TCF12: variants seen among roughly 807,000 people sequenced by gnomAD.
The protein encoded by TCF12 is DNA-binding protein HTF4.
TCF12 carries 45 observed loss-of-function variants against 86.0 expected under a neutral mutation model. The ratio of observed to expected loss-of-function variants is 0.52; its 90% confidence interval spans 0.41 to 0.67. The LOEUF (loss-of-function observed/expected upper bound fraction) is 0.67, where lower values mean the gene tolerates loss of function less well. Ranked by LOEUF, TCF12 falls within the 30% of genes least tolerant of loss-of-function variation. The pLI, the probability that TCF12 is intolerant of heterozygous loss-of-function variation, is 0.00. For missense variants in TCF12, 881 were observed against 859.9 expected (o/e 1.02, Z -0.31); for synonymous variants, 330 against 299.6 (o/e 1.10, Z -1.05).
chr15:57,047,715 T>C (rs1355662524), intron 3 of TCF12, among the ~76,000 whole-genome samples: 1 of 152,224 alleles, frequency 6.6e-6, no homozygotes, highest in African/African-American at 2.4e-5. Context: ...CTCTTGAATA[T>C]CAGTATAAAT....
intron 5 of TCF12, among the ~76,000 whole-genome samples, chr15:57,118,750 G>A (rs2051016737): frequency 6.6e-6 from 1 of 152,022 alleles, no homozygotes; most frequent in Admixed American, 6.5e-5. Flanking sequence ...TTCTTGTCTT[G>A]TTTAACCAGT....
At chr15:56,934,001 A>G (rs1369754769) in intron 3 of TCF12, among the ~76,000 whole-genome samples, 1 of 152,072 alleles carries the variant, frequency 6.6e-6, no homozygotes, top group Non-Finnish European at 1.5e-5. Flanking sequence ...AATCTCTTAT[A>G]AATTCATCAG....
At chr15:56,996,491 T>A (rs1382018465) in intron 3 of TCF12, among the ~76,000 whole-genome samples, 1 of 152,084 alleles carries the variant, frequency 6.6e-6, no homozygotes, top group African/African-American at 2.4e-5. Flanking sequence ...ATACAAAAAT[T>A]AACTGAAGAT....
At chr15:57,176,769 G>T (rs752593992) in intron 6 of TCF12, among the ~76,000 whole-genome samples, 1 of 152,150 alleles carries the variant, frequency 6.6e-6, no homozygotes, top group Non-Finnish European at 1.5e-5. Flanking sequence ...TGGAAAAAAG[G>T]TCAAGATATT....
chr15:56,921,119 A>G (rs1334068723), intron 3 of TCF12, 21 bp downstream of exon 3: 1 of 1,572,892 alleles, frequency 6.4e-7, no homozygotes, highest in Admixed American at 1.8e-5. Context: ...GTCTTAAACT[A>G]AAGACTCATA....
intron 3 of TCF12, among the ~76,000 whole-genome samples, chr15:56,929,022 T>G (rs150233920): frequency 1.5e-4 from 23 of 152,326 alleles, no homozygotes; most frequent in Middle Eastern, 3.4e-3. Flanking sequence ...AAAATTCATG[T>G]ACATTTTATT....
chr15:57,157,832 G>A (rs1270379619), intron 5 of TCF12, among the ~76,000 whole-genome samples: 1 of 152,010 alleles, frequency 6.6e-6, no homozygotes, highest in Non-Finnish European at 1.5e-5. Flanking sequence ...CAAAGTGCTG[G>A]GATTACAGGC....
At chr15:57,165,824 C>G (rs1841212272) in intron 5 of TCF12, among the ~76,000 whole-genome samples, 1 of 152,172 alleles carries the variant, frequency 6.6e-6, no homozygotes, top group African/African-American at 2.4e-5. Context: ...GCGTGAGCCA[C>G]TGTGCCTGGC....
chr15:57,049,241 C>G (rs188721383), intron 3 of TCF12, among the ~76,000 whole-genome samples: 2 of 152,170 alleles, frequency 1.3e-5, no homozygotes, highest in Non-Finnish European at 1.5e-5. Context: ...CCCTCTACCC[C>G]TTTGTGCTTC....
At chr15:57,062,236 G>A (rs180931100) in intron 3 of TCF12, among the ~76,000 whole-genome samples, 1 of 152,156 alleles carries the variant, frequency 6.6e-6, no homozygotes, top group East Asian at 1.9e-4. Context: ...GATTACAGGC[G>A]TGAGCCACGG....
chr15:57,272,434 T>G (rs904824350), intron 18 of TCF12, among the ~76,000 whole-genome samples: 1 of 152,240 alleles, frequency 6.6e-6, no homozygotes, highest in Non-Finnish European at 1.5e-5. Flanking sequence ...AAAATAGCCG[T>G]TTTCTGGGAT....
rs559390648 is a variant in TCF12, at chr15:57,088,344, A to G, written c.223-3445A>G. On this transcript the variant is annotated intron_variant, in intron 4 of 20. Coordinates refer to ENST00000333725, the MANE Select transcript of TCF12 (RefSeq NM_207037.2). The stretch of plus-strand genomic sequence containing the variant: ...GCAGCCATGCTTGTTGCCTAACTCT[A>G]TGTGGTATTTCAGAAGAAGTTTAAA... 2.0e-5 allele frequency among the ~76,000 whole-genome samples: 3 copies of G among 152,264 alleles called. No homozygotes were observed. The South Asian group carries it at 6.2e-4, about 32-fold the overall frequency.
chr15:57,229,894 G>C (rs980200945), intron 8 of TCF12, among the ~76,000 whole-genome samples: 18 of 151,964 alleles, frequency 1.2e-4, no homozygotes, highest in African/African-American at 3.9e-4. Flanking sequence ...ATACCTCCAA[G>C]AAAGAATAAA....
intron 5 of TCF12, among the ~76,000 whole-genome samples, chr15:57,101,692 C>T (rs2049766555): frequency 1.3e-5 from 2 of 152,128 alleles, no homozygotes; most frequent in Admixed American, 1.3e-4. Context: ...TGGGTATTTC[C>T]ATATACATGA....
At chr15:57,265,660 A>T (rs2060827546) in intron 18 of TCF12, among the ~76,000 whole-genome samples, 1 of 152,188 alleles carries the variant, frequency 6.6e-6, no homozygotes, top group Admixed American at 6.5e-5. Flanking sequence ...GTAGGGACTT[A>T]ACTCTTATTT....
intron 3 of TCF12, among the ~76,000 whole-genome samples, chr15:56,946,453 G>C (rs1009746390): frequency 6.6e-6 from 1 of 151,852 alleles, no homozygotes. Context: ...AGATTGTCTT[G>C]CATTTCTTTC....
chr15:57,056,734 C>T (rs1248692889), intron 3 of TCF12, among the ~76,000 whole-genome samples: 8 of 151,962 alleles, frequency 5.3e-5, no homozygotes, highest in Admixed American at 1.3e-4. Flanking sequence ...GCTGGGATTA[C>T]GGGAAAGAGA....
chr15:57,234,503 T>G (rs1423693559), intron 12 of TCF12, among the ~76,000 whole-genome samples: 1 of 152,208 alleles, frequency 6.6e-6, no homozygotes, highest in Non-Finnish European at 1.5e-5. Context: ...CTGTATTTTT[T>G]TTTAAAGTCA....
chr15:56,979,264 A>G (rs1433442206), intron 3 of TCF12, among the ~76,000 whole-genome samples: 1 of 152,178 alleles, frequency 6.6e-6, no homozygotes, highest in Non-Finnish European at 1.5e-5. Flanking sequence ...CCATAATGTT[A>G]TTTGAAATTT....
Sources: allele counts gnomAD v4.1 joint callset (sites outside exome capture counted in the v4.1 genomes callset), GRCh38; gene constraint gnomAD v4.1.1; transcripts MANE v1.5; gene names NCBI Gene and HGNC (gene_info 2026-07-23, HGNC 2026-07-21).